Variants in DNAH12 observed in about 807,000 individuals in gnomAD.
DNAH12 encodes the protein dynein axonemal heavy chain 12.
Under a neutral mutation model 371.5 loss-of-function variants are expected in DNAH12, and 285 were observed. That is an observed-to-expected ratio of 0.77 (90% confidence interval 0.70 to 0.85). The LOEUF (loss-of-function observed/expected upper bound fraction) is 0.85. Among genes scored for constraint, DNAH12 ranks in the 40% least tolerant of loss-of-function variants. DNAH12 has a pLI of 0.00. For synonymous variants in DNAH12, 1,200 were observed against 1,213.0 expected, an observed-to-expected ratio of 0.99 and a Z score of 0.22; for missense variants, 3,611 against 3,689.4, an observed-to-expected ratio of 0.98 and a Z score of 0.55.
At chr3:57,413,563 C>G (rs1553683660) in intron 39 of DNAH12, among the ~76,000 whole-genome samples, 183 bp downstream of exon 39, 6 of 152,098 alleles carry the variant, frequency 3.9e-5, no homozygotes, top group Non-Finnish European at 7.4e-5. Flanking sequence ...CAGGAAATCT[C>G]TGTACCTTCC....
intron 50 of DNAH12, among the ~76,000 whole-genome samples, chr3:57,381,849 G>A (rs1232956502): frequency 6.6e-6 from 1 of 150,806 alleles, no homozygotes; most frequent in Non-Finnish European, 1.5e-5. Context: ...AAAAGGAGAT[G>A]GAAGCAACTA....
intron 51 of DNAH12, among the ~76,000 whole-genome samples, 191 bp downstream of exon 51, chr3:57,380,087 A>G (rs975989199): frequency 7.2e-5 from 11 of 152,124 alleles, no homozygotes; most frequent in Non-Finnish European, 1.3e-4. Context: ...CTTTTTAACT[A>G]TCTGAGACAG....
chr3:57,530,684 T>C lies in DNAH12; in HGVS notation c.171-6800A>G, dbSNP rs879117363. 4 of 440,252 alleles carry C rather than the reference T, an allele frequency of 9.1e-6. No homozygotes were observed. In the South Asian group the frequency reaches 1.2e-4, roughly 13 times the overall value. The allele number at this position is 440,252 out of a possible 1,614,324, so 27.3% of individuals were successfully genotyped here. ...CACTGAGCACGATGCAGTTCTTCAA[T>C]AGCATCTTGGTACGGACCAGTTTGT... On this transcript the variant is annotated intron_variant, in intron 2 of 73. Transcript: ENST00000495027.
intron 5 of DNAH12, among the ~76,000 whole-genome samples, 173 bp downstream of exon 5, chr3:57,510,617 G>A (rs1255268557): frequency 6.6e-6 from 1 of 151,988 alleles, no homozygotes; most frequent in Non-Finnish European, 1.5e-5. Flanking sequence ...TCCAGCCTGG[G>A]CGACAGAGAT....
intron 30 of DNAH12, among the ~76,000 whole-genome samples, chr3:57,436,584 G>GAAC (rs944106409): frequency 2.6e-5 from 4 of 152,202 alleles, no homozygotes; most frequent in African/African-American, 9.7e-5. Flanking sequence ...GGATCAAGAG[G>GAAC]AACAACTTCC....
intron 2 of DNAH12, among the ~76,000 whole-genome samples, chr3:57,531,615 AT>A (rs200924409): frequency 0.024 from 3,572 of 151,954 alleles, 63 homozygotes; most frequent in Middle Eastern, 0.034. Context: ...TACAAAAAAA[AT>A]ATCTGGGTGT....
Position 57,348,327 on chromosome 3 carries a change from A to G in DNAH12, c.9674+3758T>C, listed in dbSNP as rs147614494. 3.7e-4 allele frequency among the ~76,000 whole-genome samples: 56 copies of G among 152,330 alleles called. No individual in the cohort carries two copies. The Middle Eastern group carries it at 0.01, about 28-fold the overall frequency. ...GACAAAACTAAACCATGGAGATAAC[A>G]AAAGAATCAGTGATTGGCAGGGTTG... On this transcript the variant is annotated intron_variant, in intron 60 of 73. Coordinates refer to ENST00000495027, the MANE Select transcript of DNAH12 (RefSeq NM_001366028.2).
chr3:57,344,336 T>C (rs1004854231), intron 60 of DNAH12, among the ~76,000 whole-genome samples: 2 of 150,108 alleles, frequency 1.3e-5, no homozygotes, highest in Non-Finnish European at 3.0e-5. Flanking sequence ...TTATGCACTG[T>C]TGGTAGGATT....
In DNAH12 at chr3:57,458,195, C is replaced by A; in HGVS notation, c.2957G>T (p.Gly986Val). 1.3e-6 allele frequency: 2 copies of A among 1,549,050 alleles called. No homozygotes were observed. Among genetic ancestry groups the A allele is most frequent in the Non-Finnish European group, 1.7e-6 (2 of 1,146,370 alleles). Residue 986 changes from glycine (G) to valine (V), a missense_variant, in exon 21 of 74, where the codon GGT becomes GTT. Coordinates refer to ENST00000495027, the MANE Select transcript of DNAH12 (RefSeq NM_001366028.2). ...GCAGTTCTGTAGTTTTTCCAATAAA[C>A]CTGTTAAAGAAGTGGCAGCAAGAAC... ...PKVLAATSLT[G>V]LLEKLQNCNE...
intron 42 of DNAH12, among the ~76,000 whole-genome samples, chr3:57,404,233 G>A (rs2063956028): frequency 6.6e-6 from 1 of 151,910 alleles, no homozygotes; most frequent in Non-Finnish European, 1.5e-5. Flanking sequence ...CTGCATTGTG[G>A]TACAATTATA....
intron 11 of DNAH12, among the ~76,000 whole-genome samples, chr3:57,490,270 C>T (rs2067071834): frequency 6.6e-6 from 1 of 152,044 alleles, no homozygotes; most frequent in East Asian, 1.9e-4. Context: ...GAGTTTGAGG[C>T]TGCAGTCAGC....
chr3:57,473,481 G>A (rs1423066445), intron 13 of DNAH12, among the ~76,000 whole-genome samples: 8 of 149,210 alleles, frequency 5.4e-5, no homozygotes, highest in East Asian at 3.9e-4. Flanking sequence ...GTGAGACTCC[G>A]TCTCAAAAAA....
At chr3:57,447,966 C>T (rs1230164128) in intron 25 of DNAH12, among the ~76,000 whole-genome samples, 1 of 152,210 alleles carries the variant, frequency 6.6e-6, no homozygotes, top group Admixed American at 6.5e-5. Flanking sequence ...TGAGCTACCA[C>T]ACCTGGCCAA....
chr3:57,374,782 G>A (rs2063248024), intron 55 of DNAH12, among the ~76,000 whole-genome samples: 1 of 147,484 alleles, frequency 6.8e-6, no homozygotes, highest in African/African-American at 2.5e-5. Flanking sequence ...GCCAAAAGAA[G>A]CCTTACCCAA....
intron 39 of DNAH12, among the ~76,000 whole-genome samples, chr3:57,412,142 G>A (rs903773450): frequency 3.1e-4 from 47 of 152,164 alleles, no homozygotes; most frequent in Non-Finnish European, 5.0e-4. Flanking sequence ...CTACCTAGGA[G>A]GCTGAGGCAG....
chr3:57,398,963 C>A (rs1364513107), intron 43 of DNAH12, among the ~76,000 whole-genome samples: 4 of 152,004 alleles, frequency 2.6e-5, no homozygotes, highest in Admixed American at 1.3e-4. Context: ...CAAAAACATG[C>A]CTTATAAATG....
intron 62 of DNAH12, among the ~76,000 whole-genome samples, chr3:57,333,494 C>A (rs150057693): frequency 3.3e-5 from 5 of 152,018 alleles, no homozygotes; most frequent in African/African-American, 7.3e-5. Flanking sequence ...CCATGCCTGG[C>A]TAATTTTTGT....
At chr3:57,366,346 A>C (rs2063051722) in intron 57 of DNAH12, among the ~76,000 whole-genome samples, 3 of 152,312 alleles carry the variant, frequency 2.0e-5, no homozygotes, top group South Asian at 2.1e-4. Flanking sequence ...GACGACTAGC[A>C]GCCCTTGGGG....
intron 2 of DNAH12, among the ~76,000 whole-genome samples, chr3:57,535,742 A>G (rs1195161379): frequency 6.6e-6 from 1 of 150,794 alleles, no homozygotes; most frequent in African/African-American, 2.4e-5. Flanking sequence ...GGGTTTCTCC[A>G]TGTCGGTCAG....
Sources: allele counts gnomAD v4.1 joint callset (sites outside exome capture counted in the v4.1 genomes callset), GRCh38; gene constraint gnomAD v4.1.1; transcripts MANE v1.5; gene names NCBI Gene and HGNC (gene_info 2026-07-23, HGNC 2026-07-21).